PLXDC1: variants seen among roughly 807,000 people sequenced by gnomAD.
PLXDC1 encodes plexin domain-containing protein 1.
PLXDC1 carries 39 observed loss-of-function variants against 61.3 expected under a neutral mutation model. The ratio of observed to expected loss-of-function variants is 0.64; its 90% CI spans 0.49 to 0.83. The LOEUF is 0.83. Ranked by LOEUF, PLXDC1 falls within the 40% of genes least tolerant of loss-of-function variation. The pLI is 0.00. For synonymous variants in PLXDC1, 212 were observed against 254.5 expected, an observed-to-expected ratio of 0.83 and a Z score of 1.59; for missense variants, 596 against 666.5, an observed-to-expected ratio of 0.89 and a Z score of 1.17.
chr17:39,112,546 C>T (rs1343208791), intron 2 of PLXDC1, among the ~76,000 whole-genome samples: 3 of 149,042 alleles, frequency 2.0e-5, no homozygotes, highest in Non-Finnish European at 1.5e-5. Flanking sequence ...CAATCTCTAC[C>T]TCCTGGGTTC....
intron 1 of PLXDC1, among the ~76,000 whole-genome samples, chr17:39,143,753 G>A (rs1912006795): frequency 6.6e-6 from 1 of 152,248 alleles, no homozygotes; most frequent in Admixed American, 6.5e-5. Flanking sequence ...AGATGCTGCT[G>A]GAGCACGTGG....
Position 39,065,849 on chromosome 17 carries a change from G to C in PLXDC1, c.*1991C>G, listed in dbSNP as rs1908877443. 1 of 152,278 alleles carries C rather than the reference G, an allele frequency of 6.6e-6. No homozygotes were observed. The highest frequency in any genetic ancestry group is 2.4e-5 in the African/African-American group (1 of 41,418). The allele number at this position is 152,278 out of a possible 1,614,324, so 9.4% of individuals were successfully genotyped here. On this transcript the variant is annotated 3_prime_UTR_variant, in exon 14 of 14. Transcript: ENST00000315392. ...CACACACTGTGCACACCCATCTCAG[G>C]CAGCCGTAGACCCCTACGCCTCCCC...
chr17:39,116,477 G>A (rs920534963), intron 2 of PLXDC1, among the ~76,000 whole-genome samples: 5 of 152,190 alleles, frequency 3.3e-5, no homozygotes, highest in African/African-American at 1.2e-4. Flanking sequence ...GTGTGGCTCT[G>A]ACAAGGACAG....
chr17:39,076,091 G>GAAAAAAAAAAAAAAAAAAAAAAAA (rs113083788), intron 11 of PLXDC1, among the ~76,000 whole-genome samples: 1 of 88,618 alleles, frequency 1.1e-5, no homozygotes, highest in Non-Finnish European at 2.4e-5. Context: ...AAAAAAAAAA[G>GAAAAAAAAAAAAAAAAAAAAAAAA]AAAAAAAAAA....
intron 7 of PLXDC1, among the ~76,000 whole-genome samples, chr17:39,099,913 G>A (rs1027642967): frequency 1.3e-5 from 2 of 152,148 alleles, no homozygotes; most frequent in Non-Finnish European, 2.9e-5. Flanking sequence ...GTCCCTGAGC[G>A]TAGACTGGAT....
intron 13 of PLXDC1, among the ~76,000 whole-genome samples, chr17:39,069,379 A>C (rs1909023562): frequency 1.3e-5 from 2 of 152,170 alleles, no homozygotes; most frequent in South Asian, 4.1e-4. Context: ...CTAGGATCTT[A>C]GGAAGGAGCC....
In PLXDC1 at chr17:39,151,503, G is replaced by A. The variant is rs1234165626; in HGVS notation, c.-66C>T. ...GGTCCTGACGAGGGAGGGGGCCCTG[G>A]CTCAGGCTGCGGCCGCGCGGTCCCC... On this transcript the variant is annotated 5_prime_UTR_variant, in exon 1 of 14. Coordinates refer to ENST00000315392, the MANE Select transcript of PLXDC1 (RefSeq NM_020405.5). This position sits in a 1 kb window ranked among gnomAD's most constrained non-coding sequence, Gnocchi z 5.2. 7 of 1,229,072 alleles carry A rather than the reference G, an allele frequency of 5.7e-6. No homozygotes were observed. Among genetic ancestry groups the A allele is most frequent in the Non-Finnish European group, 5.1e-6 (5 of 985,474 alleles). The allele number at this position is 1,229,072 out of a possible 1,614,324, so 76.1% of individuals were successfully genotyped here.
At position 39,118,196 on chromosome 17, in the gene PLXDC1, C is replaced by G. The variant is rs11654751; in HGVS notation, c.256-8805G>C. 7.2e-3 allele frequency among the ~76,000 whole-genome samples: 1,084 copies of G among 150,996 alleles called. 12 individuals carry two copies. The highest frequency in any genetic ancestry group is 0.024 in the African/African-American group (994 of 41,168). ...TCTTTCTCTCTCTGTCTGTCTGTCT[C>G]TCTCTCTTTTCTTTTCTTCTTTTTT... On this transcript the variant is annotated intron_variant, in intron 2 of 13. Coordinates refer to ENST00000315392, the MANE Select transcript of PLXDC1 (RefSeq NM_020405.5).
chr17:39,149,075 A>G (rs1272264070), intron 1 of PLXDC1, among the ~76,000 whole-genome samples: 5 of 151,814 alleles, frequency 3.3e-5, no homozygotes, highest in Non-Finnish European at 2.9e-5. Flanking sequence ...CCCCAAGGCC[A>G]TTTTCCTGTC....
intron 2 of PLXDC1, among the ~76,000 whole-genome samples, chr17:39,125,206 A>T (rs567918060): frequency 6.6e-6 from 1 of 152,206 alleles, no homozygotes; most frequent in Non-Finnish European, 1.5e-5. Context: ...TCAGGTTGAA[A>T]TAAACCCACA....
At chr17:39,138,200 T>C (rs1332178095) in intron 2 of PLXDC1, among the ~76,000 whole-genome samples, 1 of 152,038 alleles carries the variant, frequency 6.6e-6, no homozygotes, top group East Asian at 1.9e-4. Context: ...CCTCCCAAAG[T>C]GCTAGGATTA....
At chr17:39,105,377 A>G (rs1910557360) in intron 7 of PLXDC1, among the ~76,000 whole-genome samples, 1 of 152,128 alleles carries the variant, frequency 6.6e-6, no homozygotes, top group East Asian at 1.9e-4. Flanking sequence ...TTCAGCTACT[A>G]TCCCATTTTG....
chr17:39,063,337 C>T lies in PLXDC1; in HGVS notation c.*4503G>A. ...AGACTTTCTCAGATTTATTGTATGT[C>T]CTCAGACAGTAGATAAAAATGCATG... is the stretch of plus-strand genomic sequence containing the variant. On this transcript the variant is annotated 3_prime_UTR_variant, in exon 14 of 14. Transcript: ENST00000315392. The T allele has an allele frequency of 1.6e-6, 1 of 631,180 alleles. No individual in the cohort carries two copies. The highest frequency in any genetic ancestry group is 2.8e-6 in the Non-Finnish European group (1 of 354,230). 39.1% of individuals were successfully genotyped at this position (631,180 alleles called of 1,614,324 possible). A position where few individuals can be genotyped will look rare whatever the true frequency, so the allele number is the denominator to read the frequency against.
intron 12 of PLXDC1, 50 bp downstream of exon 12, chr17:39,072,400 G>A: frequency 7.2e-7 from 1 of 1,382,438 alleles, no homozygotes; most frequent in Non-Finnish European, 1.0e-6. Context: ...TCTGGGGTGG[G>A]TCCAAGAGGC....
intron 2 of PLXDC1, among the ~76,000 whole-genome samples, chr17:39,138,916 C>T (rs1911840124): frequency 1.3e-5 from 2 of 152,090 alleles, no homozygotes; most frequent in African/African-American, 2.4e-5. Context: ...ATCACAGACA[C>T]CCACAAACAG....
In PLXDC1 at chr17:39,109,260, G is replaced by T; in HGVS notation, c.387C>A (p.His129Gln). 1 of 1,606,422 alleles carries T rather than the reference G, an allele frequency of 6.2e-7. No individual in the cohort carries two copies. Among genetic ancestry groups the T allele is most frequent in the Non-Finnish European group, 8.5e-7 (1 of 1,175,366 alleles). Residue 129 changes from histidine to glutamine, a missense_variant, in exon 3 of 14, where the codon CAC becomes CAA. Physicochemically the swap from His to Gln is conservative, Grantham distance 24 (BLOSUM62 0). Transcript: ENST00000315392. ...CTGGGGCACTCACCGAAGCCTGCCG[G>T]TGGGTGTTGGAGAGTATTGTGTGGA... ...VKIHTILSNT[H>Q]RQASRVVLSF...
At chr17:39,142,954 A>G (rs1911983065) in intron 1 of PLXDC1, among the ~76,000 whole-genome samples, 1 of 152,062 alleles carries the variant, frequency 6.6e-6, no homozygotes, top group East Asian at 1.9e-4. Context: ...CCTGGCCAAC[A>G]TGACGAAACC....
chr17:39,114,989 T>A (rs1009198926), intron 2 of PLXDC1, among the ~76,000 whole-genome samples: 2 of 152,224 alleles, frequency 1.3e-5, no homozygotes, highest in Non-Finnish European at 2.9e-5. Flanking sequence ...CCGCCTCAGC[T>A]AAGACTGCAA....
intron 2 of PLXDC1, among the ~76,000 whole-genome samples, chr17:39,111,211 C>T (rs1567764377): frequency 1.3e-5 from 2 of 152,184 alleles, no homozygotes; most frequent in Non-Finnish European, 2.9e-5. Flanking sequence ...CCACGCTGGT[C>T]CTCCTGTCTG....
Sources: gnomAD v4.1 joint callset for allele counts (sites outside exome capture counted in the v4.1 genomes callset) on GRCh38, gnomAD v4.1.1 for gene constraint, Gnocchi (gnomAD v3.1) non-coding constraint, MANE v1.5 for transcripts, NCBI Gene and HGNC (gene_info 2026-07-23, HGNC 2026-07-21) for gene names.